The following LAMA3 variants were observed in gnomAD, a reference collection of about 807,000 sequenced individuals.
The protein encoded by LAMA3 is laminin subunit alpha-3.
LAMA3 carries 281 observed loss-of-function variants against 402.0 expected under a neutral mutation model. That is an observed-to-expected ratio of 0.70 (90% CI 0.63 to 0.77). LAMA3 has a LOEUF of 0.77. LAMA3 is among the 30% of genes least tolerant of loss of function. The pLI is 0.00. For synonymous variants in LAMA3, 1,431 were observed against 1,558.4 expected (o/e 0.92, Z 1.93); for missense variants, 3,840 against 4,215.5 (o/e 0.91, Z 2.47).
At position 23,846,453 on chromosome 18, in the gene LAMA3, C is replaced by A. The variant is rs372838667; in HGVS notation, c.3876C>A (p.Ile1292=). 11 of 1,613,428 alleles carry A rather than the reference C, an allele frequency of 6.8e-6. No homozygotes were observed. The South Asian group carries it at 9.9e-5, about 14-fold the overall frequency. ...AGTGCCCATGCCAGCCCAACGTCAT[C>A]GGGCGGCAGTGCACCCGCTGTGCAA... ...GGQCPCQPNV[I]GRQCTRCATG... Residue 1292 remains isoleucine (I), a synonymous_variant, in exon 31 of 75, where the codon ATC becomes ATA. Coordinates refer to ENST00000313654, the MANE Select transcript of LAMA3 (RefSeq NM_198129.4).
In LAMA3 at chr18:23,927,470, G is replaced by A. The variant is rs541114915; in HGVS notation, c.8178-653G>A. Among the ~76,000 whole-genome samples, 63 of 152,180 alleles carry A rather than the reference G, an allele frequency of 4.1e-4. No individual in the cohort carries two copies. In the South Asian group the frequency reaches 5.4e-3, roughly 13 times the overall value. ...AGGCATGAGCCACCCCACCCGGCCC[G>A]TTAATTTTTTAAATCCTGGCAATAA... On this transcript the variant is annotated intron_variant, in intron 62 of 74. Transcript: ENST00000313654.
chr18:23,954,777 T>A lies in LAMA3; in HGVS notation c.*129T>A. On this transcript the variant is annotated 3_prime_UTR_variant, in exon 75 of 75. Transcript: ENST00000313654. ...AGACAGGTTTAATAGCGAATCTAAT[T>A]TTGAATTCTGACCATGGATACCCAT... 1.0e-6 allele frequency: 1 copy of A among 994,322 alleles called. No homozygotes were observed. The highest frequency in any genetic ancestry group is 1.6e-6 in the Non-Finnish European group (1 of 632,496). The allele number at this position is 994,322 out of a possible 1,614,324, so 61.6% of individuals were successfully genotyped here. A position where few individuals can be genotyped will look rare whatever the true frequency, so the allele number is the denominator to read the frequency against.
chr18:23,923,867 G>A (rs142913182), intron 62 of LAMA3, among the ~76,000 whole-genome samples: 82 of 152,322 alleles, frequency 5.4e-4, no homozygotes, highest in African/African-American at 1.8e-3. Context: ...TTCTAGAAAA[G>A]AGCAGTAGGT....
chr18:23,772,030 C>T (rs963865989), intron 8 of LAMA3, among the ~76,000 whole-genome samples: 2 of 150,104 alleles, frequency 1.3e-5, no homozygotes, highest in Non-Finnish European at 2.9e-5. Flanking sequence ...AGAGATGTGA[C>T]TTCTGATCGA....
chr18:23,854,156 C>T (rs1014293179), intron 32 of LAMA3, among the ~76,000 whole-genome samples: 1 of 152,160 alleles, frequency 6.6e-6, no homozygotes, highest in Non-Finnish European at 1.5e-5. Context: ...AGGCTCAGAG[C>T]TTGGTCCTAT....
chr18:23,944,953 T>C (rs2145514165), intron 69 of LAMA3, among the ~76,000 whole-genome samples: 1 of 152,106 alleles, frequency 6.6e-6, no homozygotes, highest in East Asian at 1.9e-4. Flanking sequence ...ACCAACATGG[T>C]GAAACCCCAT....
At position 23,905,632 on chromosome 18, in the gene LAMA3, G is replaced by A; in HGVS notation, c.6718+8G>A. The A allele has an allele frequency of 6.6e-7, 1 of 1,523,010 alleles. No individual in the cohort carries two copies. 94.3% of individuals were successfully genotyped at this position (1,523,010 alleles called of 1,614,324 possible). On this transcript the variant is annotated splice_region_variant and intron_variant, in intron 52 of 74. Transcript: ENST00000313654. ...AAAAGAAGCTAAAGCAAGGTATTAG[G>A]GGGAGTGGGCAATGGCAGGGATAGT...
chr18:23,855,584 A>G (rs2064057204), intron 32 of LAMA3, among the ~76,000 whole-genome samples: 1 of 152,234 alleles, frequency 6.6e-6, no homozygotes, highest in Non-Finnish European at 1.5e-5. Flanking sequence ...ACCTGGGGCC[A>G]GGAGCCCTCT....
At position 23,856,491 on chromosome 18, in the gene LAMA3, G is replaced by A. The variant is rs183961490; in HGVS notation, c.4137-1353G>A. Among the ~76,000 whole-genome samples the A allele has an allele frequency of 1.2e-4, 19 of 152,264 alleles. No homozygotes were observed. The East Asian group carries it at 3.5e-3, about 28-fold the overall frequency. ...ATCCCAGCTCTGAATGCAGTGCTTG[G>A]CTCCCCAGGGCTCGCGGCACTTTCT... is the stretch of plus-strand genomic sequence containing the variant. On this transcript the variant is annotated intron_variant, in intron 32 of 74. Transcript: ENST00000313654.
Position 23,891,833 on chromosome 18 carries a change from G to A in LAMA3, c.5410+1716G>A, listed in dbSNP as rs548163398. On this transcript the variant is annotated intron_variant, in intron 42 of 74. Transcript: ENST00000313654. ...ACTGAGTTCCATTGTCTAAAGCCGG[G>A]GTCCATGGCACACTGCTCATGTAAG... is the stretch of plus-strand genomic sequence containing the variant. Among the ~76,000 whole-genome samples, 7 of 152,218 alleles carry A rather than the reference G, an allele frequency of 4.6e-5. No homozygotes were observed. The South Asian group carries it at 1.0e-3, about 23-fold the overall frequency.
chr18:23,713,888 A>G, intron 1 of LAMA3, 32 bp from the exon 2 acceptor site: 1 of 1,602,790 alleles, frequency 6.2e-7, no homozygotes, highest in South Asian at 1.1e-5. Flanking sequence ...TAAAAAACAA[A>G]AAACAAAAAA....
intron 4 of LAMA3, among the ~76,000 whole-genome samples, chr18:23,749,950 C>T (rs948507255): frequency 2.0e-5 from 3 of 152,168 alleles, no homozygotes; most frequent in African/African-American, 7.2e-5. Context: ...ACTGTCTCTT[C>T]CCTCATCTGA....
At position 23,713,827 on chromosome 18, in the gene LAMA3, T is replaced by C. The variant is rs565623500; in HGVS notation, c.295-93T>C. On this transcript the variant is annotated intron_variant, in intron 1 of 74. Coordinates refer to ENST00000313654, the MANE Select transcript of LAMA3 (RefSeq NM_198129.4). ...GCTGTATAAGATAGTCTTTGTTTGG[T>C]TCCCTGTATTTGCTATATGGATAAG... 163 of 1,114,592 alleles carry C rather than the reference T, an allele frequency of 1.5e-4. No individual in the cohort carries two copies. In the African/African-American group the frequency reaches 2.4e-3, roughly 16 times the overall value. The allele number at this position is 1,114,592 out of a possible 1,614,324, so 69.0% of individuals were successfully genotyped here. A position where few individuals can be genotyped will look rare whatever the true frequency, so the allele number is the denominator to read the frequency against.
At chr18:23,920,025 A>G (rs1292981562) in intron 60 of LAMA3, among the ~76,000 whole-genome samples, 3 of 152,096 alleles carry the variant, frequency 2.0e-5, no homozygotes, top group African/African-American at 7.2e-5. Flanking sequence ...AGGATCAAGA[A>G]TGATTCCTAG....
chr18:23,804,267 C>A (rs2062920512), intron 12 of LAMA3, among the ~76,000 whole-genome samples: 1 of 152,218 alleles, frequency 6.6e-6, no homozygotes. Flanking sequence ...GCATCCCTAT[C>A]TGCCACTGAC....
intron 7 of LAMA3, among the ~76,000 whole-genome samples, chr18:23,761,072 C>G (rs901456124): frequency 2.0e-5 from 3 of 152,110 alleles, no homozygotes; most frequent in African/African-American, 7.2e-5. Flanking sequence ...GTATTTTATA[C>G]ATACTTTAAA....
Position 23,871,679 on chromosome 18 carries a change from C to CAGGTAGG in LAMA3, c.4998+18_4998+19insAGGTAGG. ...CTTGTCAGGTAGGAAGTTTTCCCAT[C>CAGGTAGG]CGCAACATTTCCCTAGGGAGCTCCT... On this transcript the variant is annotated intron_variant, in intron 38 of 74. Transcript: ENST00000313654. 6.4e-7 allele frequency: 1 copy of CAGGTAGG among 1,572,258 alleles called. No individual in the cohort carries two copies. The highest frequency in any genetic ancestry group is 8.6e-7 in the Non-Finnish European group (1 of 1,156,682).
At chr18:23,924,597 T>A (rs1365981242) in intron 62 of LAMA3, among the ~76,000 whole-genome samples, 1 of 147,946 alleles carries the variant, frequency 6.8e-6, no homozygotes, top group Non-Finnish European at 1.5e-5. Flanking sequence ...CAGGCTGGAA[T>A]GCAATGGCAT....
At chr18:23,877,141 G>A (rs912194911) in intron 39 of LAMA3, among the ~76,000 whole-genome samples, 7 of 152,154 alleles carry the variant, frequency 4.6e-5, no homozygotes, top group Non-Finnish European at 2.9e-5. Flanking sequence ...GAGGGAGGTC[G>A]TGGGGAAGGG....
Sources: allele counts gnomAD v4.1 joint callset (sites outside exome capture counted in the v4.1 genomes callset), GRCh38; gene constraint gnomAD v4.1.1; transcripts MANE v1.5; gene names NCBI Gene and HGNC (gene_info 2026-07-23, HGNC 2026-07-21).